ERMP1: variants seen among roughly 807,000 people sequenced by gnomAD.
ERMP1 encodes the protein endoplasmic reticulum metallopeptidase 1.
Under a neutral mutation model 92.0 loss-of-function variants are expected in ERMP1, and 86 were observed. The ratio of observed to expected loss-of-function variants is 0.93; its 90% CI spans 0.79 to 1.12. The LOEUF is 1.12. Among genes scored for constraint, ERMP1 ranks in the 50% most tolerant of loss-of-function variants. The pLI, the probability that ERMP1 is intolerant of heterozygous loss-of-function variation, is 0.00. For synonymous variants in ERMP1, 530 were observed against 412.8 expected (o/e 1.28, Z -3.44); for missense variants, 1,342 against 1,116.3 (o/e 1.20, Z -2.88).
intron 4 of ERMP1, among the ~76,000 whole-genome samples, chr9:5,816,215 A>G (rs1829299511): frequency 6.6e-6 from 1 of 152,184 alleles, no homozygotes; most frequent in African/African-American, 2.4e-5. Context: ...CTGGGTAGGA[A>G]CCCAGATTTT....
At chr9:5,862,126 C>A (rs1349688068) in intron 5 of ERMP1, among the ~76,000 whole-genome samples, 2 of 152,042 alleles carry the variant, frequency 1.3e-5, no homozygotes, top group Non-Finnish European at 2.9e-5. Context: ...ACCTCCTGGG[C>A]CCAAGTGATC....
At chr9:5,831,344 G>A (rs1203942110) in intron 1 of ERMP1, among the ~76,000 whole-genome samples, 1 of 152,204 alleles carries the variant, frequency 6.6e-6, no homozygotes, top group African/African-American at 2.4e-5. Context: ...GGTGGCTCAC[G>A]CCTGTAATCC....
At chr9:5,862,836 G>A (rs1419489859) in intron 5 of ERMP1, among the ~76,000 whole-genome samples, 1 of 152,146 alleles carries the variant, frequency 6.6e-6, no homozygotes, top group Non-Finnish European at 1.5e-5. Context: ...TCCTATAAAT[G>A]GACTTGTCCC....
At chr9:5,837,865 G>A (rs985341486), upstream of ERMP1, among the ~76,000 whole-genome samples, 1 of 152,166 alleles carries the variant, frequency 6.6e-6, no homozygotes, top group South Asian at 2.1e-4. Flanking sequence ...CACTTTGGGA[G>A]GCTGAGGCAG....
intron 12 of ERMP1, among the ~76,000 whole-genome samples, chr9:5,798,455 A>T: frequency 6.6e-6 from 1 of 152,062 alleles, no homozygotes; most frequent in East Asian, 1.9e-4. Context: ...ACCTCAGGTG[A>T]TCCACCCGCC....
At chr9:5,854,629 T>A (rs139792160) in intron 6 of ERMP1, among the ~76,000 whole-genome samples, 121 of 152,296 alleles carry the variant, frequency 7.9e-4, no homozygotes, top group African/African-American at 2.8e-3. Context: ...CCTCCTGGTT[T>A]AAGTAATTCT....
chr9:5,797,819 G>A lies in ERMP1; in HGVS notation c.2384C>T (p.Thr795Ile), dbSNP rs751027218. 3.8e-6 allele frequency: 6 copies of A among 1,575,942 alleles called. No individual in the cohort carries two copies. The African/African-American group carries it at 4.1e-5, about 11-fold the overall frequency. The change falls in exon 13 of 15, where the codon ACA becomes ATA. Residue 795 changes from threonine to isoleucine, a missense_variant and splice_region_variant. Physicochemically the swap from Thr to Ile is moderately conservative, Grantham distance 89. Transcript: ENST00000339450. ...WDSIKLTFEA[T>I]GPSHMSFYVR... is the part of the protein sequence containing the mutation. ...GAAAAAACTATTATATGACTTACCT[G>A]TTGCTTCAAAAGTCAATTTTATAGA...
chr9:5,817,229 G>T (rs1158393825), intron 4 of ERMP1, among the ~76,000 whole-genome samples: 1 of 143,572 alleles, frequency 7.0e-6, no homozygotes, highest in Admixed American at 7.2e-5. Context: ...TCGCTCTGTC[G>T]TCCAGGCTGG....
intron 5 of ERMP1, among the ~76,000 whole-genome samples, chr9:5,865,559 G>A (rs1281638969): frequency 2.0e-5 from 3 of 151,238 alleles, no homozygotes; most frequent in Non-Finnish European, 2.9e-5. Flanking sequence ...CAGGCCGGGC[G>A]CAGTGGCTCA....
At chr9:5,810,500 T>C (rs1245318203) in intron 7 of ERMP1, among the ~76,000 whole-genome samples, 1 of 152,332 alleles carries the variant, frequency 6.6e-6, no homozygotes, top group Admixed American at 6.5e-5. Flanking sequence ...ACATTCCTTA[T>C]GAAGGAAGAG....
At chr9:5,840,678 A>G (rs1586834686) in intron 6 of ERMP1, among the ~76,000 whole-genome samples, 2 of 152,362 alleles carry the variant, frequency 1.3e-5, no homozygotes, top group South Asian at 2.1e-4. Context: ...CCTGCGGTGT[A>G]TCCTCCAACG....
In ERMP1 at chr9:5,811,124, C is replaced by A. The variant is rs1829074491; in HGVS notation, c.1314G>T (p.Gln438His). The A allele has an allele frequency of 5.0e-6, 8 of 1,612,996 alleles. No individual in the cohort carries two copies. The highest frequency in any genetic ancestry group is 6.8e-6 in the Non-Finnish European group (8 of 1,179,230). ...GAAAATACTTACTCTTATGTTTGGG[C>A]TGCAAAAATTTTTTGCCCAGGTACA... ...VVLYLGKKFL[Q>H]PKHKTGNYKK... is the part of the protein sequence containing the mutation. The change falls in exon 7 of 15, where the codon CAG (glutamine) becomes CAT (histidine). Residue 438 changes from glutamine to histidine, a missense_variant. Coordinates refer to ENST00000339450, the MANE Select transcript of ERMP1 (RefSeq NM_024896.3).
intron 6 of ERMP1, among the ~76,000 whole-genome samples, chr9:5,843,472 A>C (rs1336120104): frequency 6.6e-6 from 1 of 152,188 alleles, no homozygotes; most frequent in Non-Finnish European, 1.5e-5. Context: ...GACATACTTG[A>C]TTAAAGATAA....
intron 6 of ERMP1, among the ~76,000 whole-genome samples, chr9:5,844,573 C>T (rs942403952): frequency 1.3e-5 from 2 of 152,162 alleles, no homozygotes; most frequent in African/African-American, 4.8e-5. Flanking sequence ...CACGCCTGGC[C>T]CTAGCAGAGA....
upstream of ERMP1, among the ~76,000 whole-genome samples, chr9:5,836,278 C>G (rs1586832636): frequency 6.6e-6 from 1 of 152,190 alleles, no homozygotes; most frequent in Non-Finnish European, 1.5e-5. Flanking sequence ...AGCCTGTGTA[C>G]TTTCTTCCTT....
At chr9:5,809,150 C>T (rs3895306) in intron 8 of ERMP1, among the ~76,000 whole-genome samples, 51,965 of 151,754 alleles carry the variant, frequency 0.34, 9,597 homozygotes, top group East Asian at 0.59. Flanking sequence ...GCCTCCCGAG[C>T]AGCTGGGACT....
intron 5 of ERMP1, 79 bp from the exon 6 acceptor site, chr9:5,812,296 T>C: frequency 1.3e-6 from 1 of 791,480 alleles, no homozygotes. Context: ...CTTTAATAAA[T>C]TCCTAAAAGA....
chr9:5,832,675 G>C lies in ERMP1; in HGVS notation c.338+15C>G. On this transcript the variant is annotated intron_variant, in intron 1 of 14. Coordinates refer to ENST00000339450, the MANE Select transcript of ERMP1 (RefSeq NM_024896.3). ...AACGGACGCGCGGGCCGTGCCAGGA[G>C]GGAGCGGCCGGTACCTGGCTTGGAG... The C allele has an allele frequency of 1.4e-6, 2 of 1,412,250 alleles. No individual in the cohort carries two copies. Among genetic ancestry groups the C allele is most frequent in the Non-Finnish European group, 1.8e-6 (2 of 1,089,222 alleles). The allele number at this position is 1,412,250 out of a possible 1,614,324, so 87.5% of individuals were successfully genotyped here.
intron 13 of ERMP1, among the ~76,000 whole-genome samples, chr9:5,787,815 G>T (rs1185227849): frequency 4.6e-5 from 7 of 152,216 alleles, no homozygotes; most frequent in Non-Finnish European, 1.0e-4. Flanking sequence ...GAGAAAGCCT[G>T]TGTTAAGTTG....
Sources: gnomAD v4.1 joint callset for allele counts (sites outside exome capture counted in the v4.1 genomes callset) on GRCh38, gnomAD v4.1.1 for gene constraint, MANE v1.5 for transcripts, NCBI Gene and HGNC (gene_info 2026-07-23, HGNC 2026-07-21) for gene names.